CTDP1: variants seen among roughly 807,000 people sequenced by gnomAD.
CTDP1 encodes CTD phosphatase 1.
A neutral mutation model predicts 91.8 loss-of-function variants in CTDP1; 47 were observed. That is an observed-to-expected ratio of 0.51 (90% confidence interval 0.41 to 0.65). The LOEUF (loss-of-function observed/expected upper bound fraction) is 0.65, where lower values mean the gene tolerates loss of function less well. Among genes scored for constraint, CTDP1 ranks in the 30% least tolerant of loss-of-function variants. The pLI, the probability that CTDP1 is intolerant of heterozygous loss-of-function variation, is 0.00. For missense variants in CTDP1, 1,272 were observed against 1,373.7 expected (o/e 0.93, Z 1.17); for synonymous variants, 656 against 598.5 (o/e 1.10, Z -1.40).
chr18:79,693,827 G>T (rs1208611711), intron 1 of CTDP1, among the ~76,000 whole-genome samples: 1 of 148,718 alleles, frequency 6.7e-6, no homozygotes, highest in East Asian at 1.9e-4. Context: ...CTCCCTGCAG[G>T]ATGCTGGCTA....
intron 11 of CTDP1, among the ~76,000 whole-genome samples, chr18:79,733,490 C>T (rs966279755): frequency 6.6e-6 from 1 of 152,160 alleles, no homozygotes; most frequent in South Asian, 2.1e-4. Flanking sequence ...GCCTGCTGGG[C>T]CCCAGAGCCG....
At chr18:79,677,185 G>T (rs188066033), upstream of CTDP1, 1 of 152,292 alleles carries the variant, frequency 6.6e-6, no homozygotes, top group Non-Finnish European at 1.5e-5. Context: ...TTCACACAGT[G>T]AGTGTGGAGC....
intron 12 of CTDP1, chr18:79,749,900 T>C (rs2086961830): frequency 6.6e-6 from 1 of 152,300 alleles, no homozygotes; most frequent in African/African-American, 2.4e-5. Context: ...AATTTGTTAA[T>C]TGCCAAAAGC....
intron 1 of CTDP1, among the ~76,000 whole-genome samples, chr18:79,680,528 T>C (rs902328375): frequency 1.3e-5 from 2 of 152,244 alleles, no homozygotes; most frequent in Admixed American, 1.3e-4. Flanking sequence ...TTTCTTTCTT[T>C]CTGCAGTGAT....
chr18:79,738,850 T>C (rs1199661685), intron 12 of CTDP1, among the ~76,000 whole-genome samples: 1 of 152,248 alleles, frequency 6.6e-6, no homozygotes, highest in East Asian at 1.9e-4. Context: ...TTTCCAGCTG[T>C]GTTGAAATGA....
chr18:79,725,249 TGC>T (rs927373854), intron 10 of CTDP1, among the ~76,000 whole-genome samples: 1 of 152,188 alleles, frequency 6.6e-6, no homozygotes, highest in African/African-American at 2.4e-5. Flanking sequence ...TCACGTTGTG[TGC>T]CGTCTGCCCC....
chr18:79,681,739 T>G (rs918860814), intron 1 of CTDP1, among the ~76,000 whole-genome samples: 1 of 152,170 alleles, frequency 6.6e-6, no homozygotes, highest in African/African-American at 2.4e-5. Flanking sequence ...TCTCCTCAGA[T>G]GGAGCGTCTG....
At chr18:79,679,274 G>C (rs1006821335), upstream of CTDP1, 5 of 390,418 alleles carry the variant, frequency 1.3e-5, no homozygotes, top group Non-Finnish European at 2.6e-5. Flanking sequence ...AAGCTCCCGC[G>C]GCGTGGGGTC....
intron 6 of CTDP1, among the ~76,000 whole-genome samples, chr18:79,710,686 A>ATTT (rs11306504): frequency 2.4e-3 from 214 of 88,440 alleles, no homozygotes; most frequent in Middle Eastern, 0.011. Flanking sequence ...TCGCCCGGCA[A>ATTT]TTTTTTTTTT....
At chr18:79,735,398 C>T (rs1387277263) in intron 11 of CTDP1, among the ~76,000 whole-genome samples, 1 of 152,354 alleles carries the variant, frequency 6.6e-6, no homozygotes, top group Non-Finnish European at 1.5e-5. Context: ...ACGCCCTCAA[C>T]GTCGGAGAGC....
chr18:79,732,359 CATG>C (rs1259190642), intron 11 of CTDP1, among the ~76,000 whole-genome samples: 56 of 143,190 alleles, frequency 3.9e-4, no homozygotes, highest in Non-Finnish European at 6.2e-4. Flanking sequence ...TCACGTGAGA[CATG>C]AGAACTCACA....
chr18:79,714,683 C>T lies in CTDP1; in HGVS notation c.1223C>T (p.Pro408Leu), dbSNP rs1483683722. ...PGKPDERDIW[P>L]PAQAPTSSQE... is the part of the protein sequence containing the mutation. ...AAGCCAGACGAGAGGGACATCTGGCCCCCTGCCCAGGCCCCCACCAGCAGC... is the reference window on the plus strand; with the variant it reads ...AAGCCAGACGAGAGGGACATCTGGCTCCCTGCCCAGGCCCCCACCAGCAGC... The change falls in exon 8 of 13, where the codon CCC (proline) becomes CTC (leucine). Residue 408 changes from proline to leucine, a missense_variant. Pro to Leu is a moderately conservative substitution (Grantham distance 98). Around this residue, in one of 3 missense-constraint regions of CTDP1, gnomAD observed 881 missense variants for 911.6 expected, o/e 0.97. Transcript: ENST00000613122. The T allele has an allele frequency of 1.2e-6, 2 of 1,610,558 alleles. No individual in the cohort carries two copies. The highest frequency in any genetic ancestry group is 1.7e-6 in the Non-Finnish European group (2 of 1,178,956).
At chr18:79,727,507 C>T (rs760869955) in intron 10 of CTDP1, among the ~76,000 whole-genome samples, 27 of 151,824 alleles carry the variant, frequency 1.8e-4, no homozygotes, top group Middle Eastern at 3.4e-3. Flanking sequence ...GCGTTTGCGG[C>T]GTTCGTGGGA....
At chr18:79,740,273 C>T (rs959011309) in intron 12 of CTDP1, among the ~76,000 whole-genome samples, 1 of 152,208 alleles carries the variant, frequency 6.6e-6, no homozygotes, top group Admixed American at 6.5e-5. Flanking sequence ...CGTGTGGCCG[C>T]GATAGCAGCC....
chr18:79,707,759 T>C (rs1414068296), intron 5 of CTDP1, among the ~76,000 whole-genome samples: 2 of 152,178 alleles, frequency 1.3e-5, no homozygotes, highest in Non-Finnish European at 2.9e-5. Context: ...TGGCGGGATC[T>C]GTAGAGATGA....
Position 79,710,842 on chromosome 18 carries a change from G to A in CTDP1, c.863+406G>A, listed in dbSNP as rs191993130. On this transcript the variant is annotated intron_variant, in intron 6 of 12. Coordinates refer to ENST00000613122, the MANE Select transcript of CTDP1 (RefSeq NM_004715.5). ...ATTACAGGCATGAGCCACTGCACCC[G>A]GCCTAGAGCAGTATTTCTGTATTGA... is the stretch of plus-strand genomic sequence containing the variant. Among the ~76,000 whole-genome samples, 11 of 152,016 alleles carry A rather than the reference G, an allele frequency of 7.2e-5. No individual in the cohort carries two copies. In the East Asian group the frequency reaches 9.7e-4, roughly 13 times the overall value.
At chr18:79,681,460 A>G in intron 1 of CTDP1, 7 of 985,320 alleles carry the variant, frequency 7.1e-6, no homozygotes, top group Non-Finnish European at 8.4e-6. Flanking sequence ...GAAGATCCCT[A>G]CTGAGGTTTC....
chr18:79,685,601 G>A (rs1160990137), intron 1 of CTDP1: 1 of 152,248 alleles, frequency 6.6e-6, no homozygotes, highest in East Asian at 1.9e-4. Flanking sequence ...CAACAGCAAC[G>A]GTATTGCTGT....
intron 8 of CTDP1, among the ~76,000 whole-genome samples, chr18:79,715,907 A>G (rs939898781): frequency 3.9e-5 from 6 of 152,226 alleles, no homozygotes; most frequent in Non-Finnish European, 8.8e-5. Flanking sequence ...AGAAAACTAA[A>G]TGCAAGGTTT....
Sources: allele counts gnomAD v4.1 joint callset (sites outside exome capture counted in the v4.1 genomes callset), GRCh38; gene constraint gnomAD v4.1.1; regional missense constraint gnomAD v4.1.1; transcripts MANE v1.5; gene names NCBI Gene and HGNC (gene_info 2026-07-23, HGNC 2026-07-21).